ANOS1: variants seen among roughly 807,000 people sequenced by gnomAD.
ANOS1 encodes anosmin 1, also known as anosmin-1.
ANOS1 carries 6 observed loss-of-function variants against 59.0 expected under a neutral mutation model. That is an observed-to-expected ratio of 0.10 (90% CI 0.06 to 0.20). The LOEUF (loss-of-function observed/expected upper bound fraction) is 0.20. ANOS1 is among the 10% of genes least tolerant of loss of function. The probability of loss-of-function intolerance (pLI) is 1.00; values close to 1 mark genes in which losing one functional copy is unlikely to be tolerated. For synonymous variants in ANOS1, 217 were observed against 223.4 expected, an observed-to-expected ratio of 0.97 and a Z score of 0.25; for missense variants, 433 against 542.3, an observed-to-expected ratio of 0.80 and a Z score of 2.00.
At chrX:8,657,042 G>A (rs1009132214) in intron 2 of ANOS1, among the ~76,000 whole-genome samples, 10 of 112,214 alleles carry the variant, frequency 8.9e-5, no homozygotes, top group Admixed American at 2.8e-4. Context: ...CAATTGGTAT[G>A]AGCCCAATCT....
At chrX:8,650,371 G>A (rs1292686085) in intron 2 of ANOS1, among the ~76,000 whole-genome samples, 1 of 112,303 alleles carries the variant, frequency 8.9e-6, no homozygotes. Flanking sequence ...ATCAGAGCTA[G>A]AAGATGGGTT....
intron 2 of ANOS1, among the ~76,000 whole-genome samples, chrX:8,696,488 T>C (rs1932686655): frequency 8.9e-6 from 1 of 112,116 alleles, no homozygotes; most frequent in Admixed American, 9.5e-5. Flanking sequence ...CTCACCAGTG[T>C]TACAGAGTAC....
chrX:8,667,492 T>C (rs778084460), intron 2 of ANOS1, among the ~76,000 whole-genome samples: 24 of 111,244 alleles, frequency 2.2e-4, no homozygotes, highest in Non-Finnish European at 3.0e-4. Context: ...TCCTTAATTT[T>C]AGACAAAAAC....
chrX:8,542,670 A>C (rs1484375421), intron 9 of ANOS1, among the ~76,000 whole-genome samples: 1 of 110,637 alleles, frequency 9.0e-6, no homozygotes, highest in African/African-American at 3.3e-5. Context: ...TCAGGTTTCT[A>C]GAGGCTTCTG....
At chrX:8,673,924 G>A (rs769317860) in intron 2 of ANOS1, among the ~76,000 whole-genome samples, 2 of 110,948 alleles carry the variant, frequency 1.8e-5, no homozygotes, top group African/African-American at 3.3e-5. Flanking sequence ...CAGGCAGGGC[G>A]ACTTCAGCAA....
In ANOS1 at chrX:8,533,053, C is replaced by A; in HGVS notation, c.1985G>T (p.Arg662Ile). The A allele has an allele frequency of 9.0e-7, 1 of 1,110,898 alleles. No individual in the cohort carries two copies. The highest frequency in any genetic ancestry group is 1.2e-6 in the Non-Finnish European group (1 of 804,111). The allele number at this position is 1,110,898 out of a possible 1,213,427, so 91.6% of individuals were successfully genotyped here. A position where few individuals can be genotyped will look rare whatever the true frequency, so the allele number is the denominator to read the frequency against. ...TPELPPSSAH[R>I]SHLKHRHPHH... ...TGGATGACGATGCTTAAGATGAGAT[C>A]CTAAAAAGTGACAAAATATGTCAGT... is the stretch of plus-strand genomic sequence containing the variant. The change falls in exon 14 of 14, where the codon AGA becomes ATA. Residue 662 changes from arginine to isoleucine, a missense_variant and splice_region_variant. By Grantham distance (97) the Arg-to-Ile change is moderately conservative. Transcript: ENST00000262648.
intron 2 of ANOS1, among the ~76,000 whole-genome samples, chrX:8,629,401 A>T (rs894593898): frequency 9.0e-6 from 1 of 111,664 alleles, no homozygotes; most frequent in African/African-American, 3.3e-5. Flanking sequence ...AATAAAGGGT[A>T]TTTTCCATGA....
At chrX:8,677,238 C>T (rs899846206) in intron 2 of ANOS1, among the ~76,000 whole-genome samples, 5 of 111,230 alleles carry the variant, frequency 4.5e-5, no homozygotes, top group Admixed American at 9.6e-5. Flanking sequence ...CATCCCTGAC[C>T]GCCCCCACTA....
intron 8 of ANOS1, among the ~76,000 whole-genome samples, chrX:8,558,997 G>A (rs748945469): frequency 5.3e-5 from 6 of 112,483 alleles, no homozygotes; most frequent in African/African-American, 1.9e-4. Flanking sequence ...AGCTCTTTCT[G>A]TCAGCAATTC....
At chrX:8,688,239 A>T (rs1304315404) in intron 2 of ANOS1, among the ~76,000 whole-genome samples, 1 of 112,143 alleles carries the variant, frequency 8.9e-6, no homozygotes, top group Non-Finnish European at 1.9e-5. Flanking sequence ...CCAGAGACTG[A>T]AATCCAATTC....
chrX:8,635,498 G>A (rs1189927570), intron 2 of ANOS1, among the ~76,000 whole-genome samples: 2 of 111,523 alleles, frequency 1.8e-5, no homozygotes, highest in Non-Finnish European at 3.8e-5. Flanking sequence ...CCTCACAGGA[G>A]GAAGCTTACA....
In ANOS1 at chrX:8,535,658, A is replaced by T; in HGVS notation, c.1775T>A (p.Val592Asp). Reference sequence around the variant, plus strand: ...GCTGTTCTGTCTGCTTTCCGTAGTGACCTCAGCCCAAGTCACTTGAAACCC... The same window carrying T: ...GCTGTTCTGTCTGCTTTCCGTAGTGTCCTCAGCCCAAGTCACTTGAAACCC... ...MTGFQVTWAE[V>D]TTESRQNSLP... Residue 592 changes from valine (V) to aspartate (D), a missense_variant, in exon 12 of 14, where the codon GTC (valine) becomes GAC (aspartate). Val to Asp is a radical substitution (Grantham distance 152, BLOSUM62 -3). Transcript: ENST00000262648. 2.5e-6 allele frequency: 3 copies of T among 1,210,820 alleles called. No homozygotes were observed. Among genetic ancestry groups the T allele is most frequent in the Non-Finnish European group, 3.4e-6 (3 of 894,468 alleles).
intron 10 of ANOS1, among the ~76,000 whole-genome samples, chrX:8,537,642 G>T (rs1929617471): frequency 9.0e-6 from 1 of 111,025 alleles, no homozygotes; most frequent in Non-Finnish European, 1.9e-5. Flanking sequence ...TGGGCATGGT[G>T]ACTCGTGTCA....
At chrX:8,636,026 T>G (rs1931567537) in intron 2 of ANOS1, among the ~76,000 whole-genome samples, 1 of 111,492 alleles carries the variant, frequency 9.0e-6, no homozygotes, top group Non-Finnish European at 1.9e-5. Context: ...AAGGTCAGAA[T>G]TGAATCTGCA....
chrX:8,633,361 A>G (rs1601994070), intron 2 of ANOS1, among the ~76,000 whole-genome samples: 2 of 111,877 alleles, frequency 1.8e-5, no homozygotes, highest in East Asian at 5.6e-4. Context: ...TAAGTAAATG[A>G]GAGGAAAGCA....
intron 3 of ANOS1, among the ~76,000 whole-genome samples, chrX:8,601,193 CAAAAAA>C (rs34363483): frequency 4.8e-5 from 3 of 62,161 alleles, no homozygotes; most frequent in Non-Finnish European, 5.9e-5. Context: ...GACTTTGTCT[CAAAAAA>C]AAAAAAAAAA....
chrX:8,604,149 C>T (rs182545664), intron 3 of ANOS1, among the ~76,000 whole-genome samples: 108 of 111,872 alleles, frequency 9.7e-4, no homozygotes, highest in African/African-American at 3.4e-3. Context: ...GTCTGGGCAA[C>T]GATGAGAGCT....
In ANOS1 at chrX:8,725,629, TATATATACAG is replaced by T. The variant is rs1216431414; in HGVS notation, c.207+6191_207+6200del. Among the ~76,000 whole-genome samples, 16 of 46,420 alleles carry T rather than the reference TATATATACAG, an allele frequency of 3.4e-4. 1 individual carries two copies. Among genetic ancestry groups the T allele is most frequent in the African/African-American group, 1.4e-3 (12 of 8,423 alleles). 40.3% of individuals were successfully genotyped at this position (46,420 alleles called of 115,157 possible). On this transcript the variant is annotated intron_variant, in intron 1 of 13. Transcript: ENST00000262648. ...ATACAGATATATATATATACAGATA[TATATATACAG>T]ATATATATACAGATATATATATATA... is the stretch of plus-strand genomic sequence containing the variant.
chrX:8,540,517 G>C (rs1929665597), intron 9 of ANOS1, among the ~76,000 whole-genome samples: 1 of 111,076 alleles, frequency 9.0e-6, no homozygotes, highest in Admixed American at 9.6e-5. Context: ...ACAATAAAGT[G>C]GGGGGAAAAA....
Sources: allele counts gnomAD v4.1 joint callset (sites outside exome capture counted in the v4.1 genomes callset), GRCh38; gene constraint gnomAD v4.1.1; transcripts MANE v1.5; gene names NCBI Gene and HGNC (gene_info 2026-07-23, HGNC 2026-07-21).